The following ART5 variants were observed in gnomAD, a reference collection of about 807,000 sequenced individuals.
ART5 encodes the protein ecto-ADP-ribosyltransferase 5.
ART5 carries 22 observed loss-of-function variants against 25.0 expected under a neutral mutation model. The ratio of observed to expected loss-of-function variants is 0.88; its 90% CI spans 0.63 to 1.26. The LOEUF is 1.26. Among genes scored for constraint, ART5 ranks in the 50% most tolerant of loss-of-function variants. The pLI is 0.00. For synonymous variants in ART5, 161 were observed against 154.8 expected (o/e 1.04, Z -0.30); for missense variants, 402 against 372.8 (o/e 1.08, Z -0.64).
In ART5 at chr11:3,640,374, G is replaced by T. The variant is rs1267325565; in HGVS notation, c.58-3C>A. 1 of 1,584,676 alleles carries T rather than the reference G, an allele frequency of 6.3e-7. No homozygotes were observed. On this transcript the variant is annotated splice_polypyrimidine_tract_variant and splice_region_variant and intron_variant, in intron 1 of 3. Transcript: ENST00000397068. The stretch of plus-strand genomic sequence containing the variant: ...GGCAGGATGGGAACAGCCTGGGCCT[G>T]TGGAGCAAAAGAGGTGCCACACCGA...
At position 3,639,654 on chromosome 11, in the gene ART5, C is replaced by T. The variant is rs200339999; in HGVS notation, c.775G>A (p.Ala259Thr). The T allele has an allele frequency of 4.0e-5, 64 of 1,611,966 alleles. 1 individual carries two copies. The highest frequency in any genetic ancestry group is 2.5e-4 in the African/African-American group (19 of 74,960). Residue 259 changes from alanine to threonine, a missense_variant, in exon 2 of 4, where the codon GCC becomes ACC. Transcript: ENST00000397068. ...ATGCACAGCTTACCACCCAGATAGG[C>T]GCAGTTAAAATGGCTACAGGTCTGA... ...YNQTCSHFNC[A>T]YLGGEKRRGC...
rs1211702601 is a variant in ART5, at chr11:3,639,893, C to T, written c.536G>A (p.Gly179Asp). ...PKRLGDSVRL[G>D]QFASSSLDKA... Reference sequence around the variant, plus strand: ...ATCCAGGGAGCTGGAGGCAAACTGGCCCAAGCGGACAGAGTCTCCCAGCCT... The same window carrying T: ...ATCCAGGGAGCTGGAGGCAAACTGGTCCAAGCGGACAGAGTCTCCCAGCCT... The change falls in exon 2 of 4, where the codon GGC becomes GAC. Residue 179 changes from glycine to aspartate, a missense_variant. Coordinates refer to ENST00000397068, the MANE Select transcript of ART5 (RefSeq NM_053017.5). The T allele has an allele frequency of 6.2e-7, 1 of 1,614,160 alleles. No individual in the cohort carries two copies. Among genetic ancestry groups the T allele is most frequent in the Non-Finnish European group, 8.5e-7 (1 of 1,180,018 alleles).
chr11:3,641,949 T>G lies in ART5; in HGVS notation c.-87A>C. 1 of 1,514,994 alleles carries G rather than the reference T, an allele frequency of 6.6e-7. No homozygotes were observed. Among genetic ancestry groups the G allele is most frequent in the Admixed American group, 2.0e-5 (1 of 49,936 alleles). 93.8% of individuals were successfully genotyped at this position (1,514,994 alleles called of 1,614,324 possible). A position where few individuals can be genotyped will look rare whatever the true frequency, so the allele number is the denominator to read the frequency against. ...CTGGTTTCGAGGGGCTGGAGGCAGA[T>G]CTGGACCCTGTCTCCAGGCGCACGG... On this transcript the variant is annotated 5_prime_UTR_variant, in exon 1 of 4. Coordinates refer to ENST00000397068, the MANE Select transcript of ART5 (RefSeq NM_053017.5).
In ART5 at chr11:3,641,947, G is replaced by C; in HGVS notation, c.-85C>G. ...TCCTGGTTTCGAGGGGCTGGAGGCA[G>C]ATCTGGACCCTGTCTCCAGGCGCAC... is the stretch of plus-strand genomic sequence containing the variant. On this transcript the variant is annotated 5_prime_UTR_variant, in exon 1 of 4. In the 5' UTR this introduces an upstream ATG that the reference lacks. Transcript: ENST00000397068. The C allele has an allele frequency of 6.6e-7, 1 of 1,516,282 alleles. No individual in the cohort carries two copies. Among genetic ancestry groups the C allele is most frequent in the South Asian group, 1.2e-5 (1 of 83,174 alleles). 93.9% of individuals were successfully genotyped at this position (1,516,282 alleles called of 1,614,324 possible).
rs2077373729 is a variant in ART5 at position 3,640,157 on chromosome 11, T to C, written c.272A>G (p.Gln91Arg). 5.0e-6 allele frequency: 8 copies of C among 1,614,178 alleles called. No individual in the cohort carries two copies. Among genetic ancestry groups the C allele is most frequent in the Non-Finnish European group, 6.8e-6 (8 of 1,180,052 alleles). The change falls in exon 2 of 4, where the codon CAG (glutamine) becomes CGG (arginine). Residue 91 changes from glutamine to arginine, a missense_variant. By Grantham distance (43) the Gln-to-Arg change is conservative (BLOSUM62 1). Transcript: ENST00000397068. Reference sequence around the variant, plus strand: ...GTAGACCATAATGGCTATTCCATTCTGGGCTTTGAAGCCAGGGGGCAAGGT... The same window carrying C: ...GTAGACCATAATGGCTATTCCATTCCGGGCTTTGAAGCCAGGGGGCAAGGT... Reference protein sequence around the residue: ...GLTLPPGFKAQNGIAIMVYTN... With the variant: ...GLTLPPGFKARNGIAIMVYTN...
chr11:3,641,709 C>CT, intron 1 of ART5, 97 bp downstream of exon 1: 1 of 1,532,466 alleles, frequency 6.5e-7, no homozygotes, highest in East Asian at 2.5e-5. Context: ...GGAAGAGTCC[C>CT]TGGGAGAGGG....
chr11:3,639,689 C>G lies in ART5; in HGVS notation c.740G>C (p.Trp247Ser), dbSNP rs1405982881. 1.2e-6 allele frequency: 2 copies of G among 1,613,966 alleles called. No individual in the cohort carries two copies. The highest frequency in any genetic ancestry group is 1.7e-5 in the Admixed American group (1 of 60,026). ...ATGGCTACAGGTCTGATTATAGCTC[C>G]AGAGAGTCACCAAGCTCTGGGCTCC... ...QDGAQSLVTL[W>S]SYNQTCSHFN... is the part of the protein sequence containing the mutation. Residue 247 changes from tryptophan (W) to serine (S), a missense_variant, in exon 2 of 4, where the codon TGG (tryptophan) becomes TCG (serine). Physicochemically the swap from Trp to Ser is radical, Grantham distance 177. Coordinates refer to ENST00000397068, the MANE Select transcript of ART5 (RefSeq NM_053017.5).
intron 3 of ART5, 48 bp downstream of exon 3, chr11:3,638,955 G>A: frequency 6.4e-7 from 1 of 1,569,362 alleles, no homozygotes; most frequent in Non-Finnish European, 8.6e-7. Context: ...GGGTCAGCAG[G>A]GTGAGGGGGA....
At chr11:3,639,531 T>C in intron 2 of ART5, 111 bp downstream of exon 2, 1 of 1,461,768 alleles carries the variant, frequency 6.8e-7, no homozygotes, top group Admixed American at 2.3e-5. Flanking sequence ...CCAGCCCTCA[T>C]TTCCCCTTTA....
intron 2 of ART5, 87 bp from the exon 3 acceptor site, chr11:3,639,122 C>A (rs987799316): frequency 7.2e-7 from 1 of 1,393,592 alleles, no homozygotes; most frequent in Non-Finnish European, 9.8e-7. Flanking sequence ...GGGCCATTTC[C>A]CTTCTCAATC....
rs2077405860 is a variant in ART5 at position 3,641,923 on chromosome 11, C to T, written c.-61G>A. On this transcript the variant is annotated 5_prime_UTR_variant, in exon 1 of 4. Transcript: ENST00000397068. ...AGGGCGGGACCAGAGGTGCTGGAGT[C>T]CTGGTTTCGAGGGGCTGGAGGCAGA... 6.5e-7 allele frequency: 1 copy of T among 1,542,344 alleles called. No individual in the cohort carries two copies. Among genetic ancestry groups the T allele is most frequent in the African/African-American group, 1.4e-5 (1 of 73,166 alleles).
Position 3,640,206 on chromosome 11 carries a change from A to T in ART5, c.223T>A (p.Trp75Arg), listed in dbSNP as rs778306917. Reference protein sequence around the residue: ...RESWEAAQETWEDKRRGLTLP... With the variant: ...RESWEAAQETREDKRRGLTLP... The stretch of plus-strand genomic sequence containing the variant: ...GTAAGCCCTCGACGCTTGTCCTCCC[A>T]GGTCTCCTGGGCTGCCTCCCAGGAT... The change falls in exon 2 of 4, where the codon TGG becomes AGG. Residue 75 changes from tryptophan (W) to arginine (R), a missense_variant. By Grantham distance (101) the Trp-to-Arg change is moderately radical. Coordinates refer to ENST00000397068, the MANE Select transcript of ART5 (RefSeq NM_053017.5). 3 of 1,613,932 alleles carry T rather than the reference A, an allele frequency of 1.9e-6. No homozygotes were observed. Among genetic ancestry groups the T allele is most frequent in the Admixed American group, 1.7e-5 (1 of 60,030 alleles).
intron 2 of ART5, 77 bp downstream of exon 2, chr11:3,639,565 C>A (rs2077360683): frequency 6.6e-7 from 1 of 1,515,724 alleles, no homozygotes; most frequent in South Asian, 1.4e-5. Flanking sequence ...CCCGAAGGCC[C>A]CGGGGATTAT....
In ART5 at chr11:3,638,925, G is replaced by A. The variant is rs765895856; in HGVS notation, c.820+78C>T. 1.3e-5 allele frequency: 20 copies of A among 1,586,750 alleles called. No individual in the cohort carries two copies. In the South Asian group the frequency reaches 2.1e-4, roughly 17 times the overall value. On this transcript the variant is annotated intron_variant, in intron 3 of 3. Coordinates refer to ENST00000397068, the MANE Select transcript of ART5 (RefSeq NM_053017.5). ...TTGTGACCCTAGCTGCACCCCTGCTGAAGGGAAAAGAGGAGGAAGGGGTCA... is the reference window on the plus strand; with the variant it reads ...TTGTGACCCTAGCTGCACCCCTGCTAAAGGGAAAAGAGGAGGAAGGGGTCA...
chr11:3,638,878 G>C (rs189148602), intron 3 of ART5, 85 bp from the exon 4 acceptor site: 3 of 1,612,486 alleles, frequency 1.9e-6, no homozygotes, highest in Admixed American at 1.7e-5. Context: ...TTCCAGGGGG[G>C]CAGAGAGGAG....
Position 3,640,315 on chromosome 11 carries a change from G to A in ART5, c.114C>T (p.Thr38=), listed in dbSNP as rs761792829. 2 of 1,611,740 alleles carry A rather than the reference G, an allele frequency of 1.2e-6. No homozygotes were observed. The highest frequency in any genetic ancestry group is 2.2e-5 in the South Asian group (2 of 90,978). The change falls in exon 2 of 4, where the codon ACC becomes ACT. Residue 38 remains threonine (T), a synonymous_variant. Coordinates refer to ENST00000397068, the MANE Select transcript of ART5 (RefSeq NM_053017.5). ...LGLAPDTFDD[T]YVGCAEEMEE... ...CCATCTCCTCTGCACAACCCACATA[G>A]GTATCGTCAAAGGTGTCTGGAGCCA...
chr11:3,642,357 C>A (rs185534003), upstream of ART5: 29 of 933,258 alleles, frequency 3.1e-5, no homozygotes, highest in East Asian at 3.0e-3. Context: ...GGAGCGGGCG[C>A]GCCAGGGCAG....
intron 1 of ART5, 136 bp from the exon 2 acceptor site, chr11:3,640,507 G>A: frequency 8.6e-7 from 1 of 1,157,832 alleles, no homozygotes. Context: ...AATTTGGCAA[G>A]GGCCCAATAA....
Position 3,640,294 on chromosome 11 carries a change from C to G in ART5, c.135G>C (p.Glu45Asp). 7 of 1,613,342 alleles carry G rather than the reference C, an allele frequency of 4.3e-6. No individual in the cohort carries two copies. Among genetic ancestry groups the G allele is most frequent in the Non-Finnish European group, 5.9e-6 (7 of 1,180,028 alleles). Reference sequence around the variant, plus strand: ...GCAGGGGGGCTGCCTTCTCCTCCATCTCCTCTGCACAACCCACATAGGTAT... The same window carrying G: ...GCAGGGGGGCTGCCTTCTCCTCCATGTCCTCTGCACAACCCACATAGGTAT... ...FDDTYVGCAE[E>D]MEEKAAPLLK... Residue 45 changes from glutamate (E) to aspartate (D), a missense_variant, in exon 2 of 4, where the codon GAG becomes GAC. Transcript: ENST00000397068.
Sources: allele counts gnomAD v4.1 joint callset, GRCh38; gene constraint gnomAD v4.1.1; transcripts MANE v1.5; gene names NCBI Gene and HGNC (gene_info 2026-07-23, HGNC 2026-07-21).